DYNC2LI1: variants seen among roughly 807,000 people sequenced by gnomAD.
DYNC2LI1 encodes dynein cytoplasmic 2 light intermediate chain 1.
Under a neutral mutation model 51.9 loss-of-function variants are expected in DYNC2LI1, and 45 were observed. The ratio of observed to expected loss-of-function variants is 0.87; its 90% CI spans 0.68 to 1.11. DYNC2LI1 has a LOEUF of 1.11. DYNC2LI1 is among the 50% of genes most tolerant of loss of function. The pLI, the probability that DYNC2LI1 is intolerant of heterozygous loss-of-function variation, is 0.00. For synonymous variants in DYNC2LI1, 130 were observed against 137.8 expected, an observed-to-expected ratio of 0.94 and a Z score of 0.40; for missense variants, 490 against 417.4, an observed-to-expected ratio of 1.17 and a Z score of -1.51.
At chr2:43,796,069 G>A in intron 7 of DYNC2LI1, 111 bp downstream of exon 7, 1 of 778,766 alleles carries the variant, frequency 1.3e-6, no homozygotes, top group Non-Finnish European at 2.1e-6. Flanking sequence ...GAAGGAATCG[G>A]TTAAGTCATG....
intron 12 of DYNC2LI1, among the ~76,000 whole-genome samples, chr2:43,809,183 G>T (rs1013195640): frequency 6.6e-6 from 1 of 151,990 alleles, no homozygotes; most frequent in African/African-American, 2.4e-5. Context: ...GTAGAGACAC[G>T]GTCTCCCTAT....
In DYNC2LI1 at chr2:43,782,384, A is replaced by G. The variant is rs370293587; in HGVS notation, c.127-1136A>G. Among the ~76,000 whole-genome samples the G allele has an allele frequency of 1.5e-3, 227 of 152,098 alleles. 3 individuals are homozygous for G. Among genetic ancestry groups the G allele is most frequent in the South Asian group, 0.012 (58 of 4,818 alleles). On this transcript the variant is annotated intron_variant, in intron 2 of 12. Coordinates refer to ENST00000260605, the MANE Select transcript of DYNC2LI1 (RefSeq NM_016008.4). ...GTAATTATCTTTTTTGTCAAAAACT[A>G]TAGGTTTTTTTAGTAAAAACAAAAA...
intron 4 of DYNC2LI1, among the ~76,000 whole-genome samples, chr2:43,789,209 T>G (rs1673664570): frequency 6.6e-6 from 1 of 152,232 alleles, no homozygotes; most frequent in Non-Finnish European, 1.5e-5. Flanking sequence ...TTCTGCGAGC[T>G]TCTGTCTTCC....
the DYNC2LI1 span, chr2:43,828,251 G>T: frequency 8.9e-7 from 1 of 1,121,120 alleles, no homozygotes; most frequent in South Asian, 1.3e-5. Flanking sequence ...CCACACCCTG[G>T]GGAAAGCATG....
chr2:43,786,842 A>G (rs1673542799), intron 3 of DYNC2LI1, among the ~76,000 whole-genome samples: 1 of 151,908 alleles, frequency 6.6e-6, no homozygotes, highest in Non-Finnish European at 1.5e-5. Context: ...ACAAAAACAA[A>G]ACAAAAAAAA....
chr2:43,794,267 TAGAGGAAA>T, intron 5 of DYNC2LI1, 182 bp from the exon 6 acceptor site: 1 of 542,632 alleles, frequency 1.8e-6, no homozygotes, highest in Non-Finnish European at 3.2e-6. Context: ...TAAATATTAC[TAGAGGAAA>T]GTATTGGAAT....
intron 4 of DYNC2LI1, 38 bp downstream of exon 4, chr2:43,787,288 A>G: frequency 1.3e-6 from 2 of 1,507,310 alleles, no homozygotes; most frequent in South Asian, 1.1e-5. Context: ...ATGCCCATAG[A>G]TGGGAAAGTA....
chr2:43,826,271 A>T, the DYNC2LI1 span: 165 of 1,532,956 alleles, frequency 1.1e-4, no homozygotes, highest in Non-Finnish European at 1.4e-4. Flanking sequence ...AAGTGCTGGA[A>T]TTACAAGTGT....
At chr2:43,786,482 A>G (rs1409371005) in intron 3 of DYNC2LI1, among the ~76,000 whole-genome samples, 2 of 152,018 alleles carry the variant, frequency 1.3e-5, no homozygotes, top group Non-Finnish European at 2.9e-5. Context: ...ATGCCTGGCC[A>G]AGTCTTGCAT....
At chr2:43,789,771 A>AG in intron 5 of DYNC2LI1, 50 bp downstream of exon 5, 2 of 1,524,340 alleles carry the variant, frequency 1.3e-6, no homozygotes, top group Non-Finnish European at 1.8e-6. Context: ...GAGTGTCCCT[A>AG]GGAGGAATAT....
At chr2:43,777,016 T>G in intron 2 of DYNC2LI1, 117 bp downstream of exon 2, 1 of 541,328 alleles carries the variant, frequency 1.8e-6, no homozygotes, top group South Asian at 4.1e-5. Flanking sequence ...ACCAATCTGG[T>G]TTAGCATGAA....
At chr2:43,785,081 T>TG (rs1349642931) in intron 3 of DYNC2LI1, among the ~76,000 whole-genome samples, 2 of 152,030 alleles carry the variant, frequency 1.3e-5, no homozygotes, top group African/African-American at 4.8e-5. Flanking sequence ...GCGGATCGCT[T>TG]GAACTCAGGA....
the DYNC2LI1 span, chr2:43,826,346 A>G: frequency 4.3e-6 from 7 of 1,612,978 alleles, no homozygotes; most frequent in South Asian, 1.1e-5. Context: ...AGCTCAACAC[A>G]CCATAGACCC....
downstream of DYNC2LI1, among the ~76,000 whole-genome samples, chr2:43,810,974 C>T (rs1572730989): frequency 6.6e-6 from 1 of 152,236 alleles, no homozygotes; most frequent in East Asian, 1.9e-4. Flanking sequence ...TGTTGAAAGC[C>T]ATTGTGTTTT....
intron 7 of DYNC2LI1, among the ~76,000 whole-genome samples, chr2:43,796,252 G>A (rs1674030830): frequency 2.0e-5 from 3 of 151,552 alleles, no homozygotes; most frequent in South Asian, 4.2e-4. Flanking sequence ...AGGATCAATT[G>A]AGCCCAGGAA....
chr2:43,793,047 T>G (rs1673862697), intron 5 of DYNC2LI1: 1 of 302,100 alleles, frequency 3.3e-6, no homozygotes, highest in South Asian at 6.7e-5. Flanking sequence ...ATCTGGTAAT[T>G]CTATGGTGAA....
intron 8 of DYNC2LI1, 33 bp downstream of exon 8, chr2:43,796,828 G>A (rs976097815): frequency 1.3e-6 from 2 of 1,566,390 alleles, no homozygotes. Flanking sequence ...GGGCTTGAAT[G>A]GACAGTACCA....
At chr2:43,798,155 G>A (rs1483193060) in intron 8 of DYNC2LI1, among the ~76,000 whole-genome samples, 1 of 151,970 alleles carries the variant, frequency 6.6e-6, no homozygotes, top group Non-Finnish European at 1.5e-5. Context: ...ATTATTTAAT[G>A]GTCTCTTTTT....
At chr2:43,783,022 G>A (rs1673363378) in intron 2 of DYNC2LI1, among the ~76,000 whole-genome samples, 3 of 151,970 alleles carry the variant, frequency 2.0e-5, no homozygotes, top group Admixed American at 2.0e-4. Context: ...CAGAAACTTG[G>A]AATAAGTACA....
Sources: gnomAD v4.1 joint callset for allele counts (sites outside exome capture counted in the v4.1 genomes callset) on GRCh38, gnomAD v4.1.1 for gene constraint, MANE v1.5 for transcripts, NCBI Gene and HGNC (gene_info 2026-07-23, HGNC 2026-07-21) for gene names.